The following CADPS variants were observed in gnomAD, a reference collection of about 807,000 sequenced individuals.
CADPS encodes the protein calcium dependent secretion activator.
In CADPS, 57 loss-of-function variants were observed where a neutral mutation model predicts 167.3. The observed-to-expected ratio is 0.34, with a 90% CI of 0.28 to 0.42. CADPS has a LOEUF of 0.42. Among genes scored for constraint, CADPS ranks in the 20% least tolerant of loss-of-function variants. The probability of loss-of-function intolerance (pLI) is 1.00; values close to 1 mark genes in which losing one functional copy is unlikely to be tolerated. For synonymous variants in CADPS, 676 were observed against 635.3 expected, an observed-to-expected ratio of 1.06 and a Z score of -0.96; for missense variants, 1,414 against 1,738.1, an observed-to-expected ratio of 0.81 and a Z score of 3.32.
At chr3:62,725,586 T>G (rs927725882) in intron 3 of CADPS, among the ~76,000 whole-genome samples, 5 of 152,012 alleles carry the variant, frequency 3.3e-5, no homozygotes, top group Non-Finnish European at 5.9e-5. Flanking sequence ...ACCCACCTCA[T>G]GGGGTCGTAT....
rs142586678 is a variant in CADPS, at chr3:62,532,938, C to T, written c.2224G>A (p.Ala742Thr). ...TGAAGAAGGGTGGGGTCGATCATGG[C>T]GCCATTTTCTGCCCGTTCAAGCAAG... ...RDLLERAENGAMIDPTLLHYS... is the reference protein window; with the variant it reads ...RDLLERAENGTMIDPTLLHYS... Residue 742 changes from alanine to threonine, a missense_variant, in exon 13 of 30, where the codon GCC becomes ACC. By Grantham distance (58) the Ala-to-Thr change is moderately conservative. Transcript: ENST00000383710. 198 of 1,613,772 alleles carry T rather than the reference C, an allele frequency of 1.2e-4. 1 individual carries two copies. In the East Asian group the frequency reaches 2.2e-3, roughly 18 times the overall value.
At chr3:62,467,734 G>A (rs769552917) in intron 24 of CADPS, among the ~76,000 whole-genome samples, 5 of 152,106 alleles carry the variant, frequency 3.3e-5, no homozygotes, top group Non-Finnish European at 5.9e-5. Flanking sequence ...CGGGAACAAA[G>A]CCAACCCTGT....
At chr3:62,556,370 T>C (rs531920104) in intron 10 of CADPS, among the ~76,000 whole-genome samples, 1 of 152,314 alleles carries the variant, frequency 6.6e-6, no homozygotes, top group Non-Finnish European at 1.5e-5. Context: ...CAGGTGCTAA[T>C]TTTACTAAGT....
Position 62,438,124 on chromosome 3 carries a change from A to G in CADPS, c.3757T>C (p.Tyr1253His). 6.2e-7 allele frequency: 1 copy of G among 1,612,966 alleles called. No homozygotes were observed. Among genetic ancestry groups the G allele is most frequent in the Non-Finnish European group, 8.5e-7 (1 of 1,179,094 alleles). ...VLRDKVNEEM[Y>H]IERLFDQWYN... ...CTTACATCAAATAACCTTTCTATGT[A>G]CATCTCCTCATTGACCTTATCACGC... The change falls in exon 28 of 30, where the codon TAC becomes CAC. Residue 1253 changes from tyrosine to histidine, a missense_variant. Tyr to His is a moderately conservative substitution (Grantham distance 83, BLOSUM62 2). Transcript: ENST00000383710. The surrounding 1 kb of genome is among the most constrained non-coding windows in gnomAD (Gnocchi z 4.7).
intron 28 of CADPS, among the ~76,000 whole-genome samples, chr3:62,423,807 G>T (rs1262939195): frequency 1.3e-5 from 2 of 152,122 alleles, no homozygotes; most frequent in East Asian, 1.9e-4. Context: ...GATCACGAAG[G>T]TTCCTATATC....
At chr3:62,701,259 G>A (rs934324033) in intron 3 of CADPS, among the ~76,000 whole-genome samples, 1 of 152,136 alleles carries the variant, frequency 6.6e-6, no homozygotes, top group Non-Finnish European at 1.5e-5. Flanking sequence ...AAAGAGGGAA[G>A]CAATTTTGGG....
At chr3:62,491,612 T>A in intron 20 of CADPS, 132 bp from the exon 21 acceptor site, 2 of 736,194 alleles carry the variant, frequency 2.7e-6, no homozygotes, top group Non-Finnish European at 4.1e-6. Flanking sequence ...CTACATTAAA[T>A]ATACTGCTTC....
chr3:62,522,288 C>T (rs1188578570), intron 13 of CADPS, among the ~76,000 whole-genome samples: 1 of 152,076 alleles, frequency 6.6e-6, no homozygotes, highest in Non-Finnish European at 1.5e-5. Context: ...AGAAGCATGC[C>T]ACCATATCTT....
chr3:62,483,165 A>C (rs1385277589), intron 21 of CADPS, among the ~76,000 whole-genome samples: 1 of 151,852 alleles, frequency 6.6e-6, no homozygotes, highest in Non-Finnish European at 1.5e-5. Flanking sequence ...GCACTTTGGC[A>C]AAGGACTTGA....
chr3:62,448,635 A>G (rs939779850), intron 26 of CADPS, among the ~76,000 whole-genome samples: 6 of 151,186 alleles, frequency 4.0e-5, no homozygotes, highest in Admixed American at 1.3e-4. Flanking sequence ...GGGGGGTGGT[A>G]TGGAGTCTCA....
chr3:62,608,496 T>C (rs920823699), intron 6 of CADPS, among the ~76,000 whole-genome samples: 1 of 151,962 alleles, frequency 6.6e-6, no homozygotes, highest in African/African-American at 2.4e-5. Context: ...TTGCCCAGGG[T>C]GCAAACTCCT....
At chr3:62,575,369 T>C (rs1024737565) in intron 8 of CADPS, among the ~76,000 whole-genome samples, 1 of 152,224 alleles carries the variant, frequency 6.6e-6, no homozygotes, top group Non-Finnish European at 1.5e-5. Flanking sequence ...TCTGGAGATA[T>C]GTTACCCAGA....
rs1049039906 is a variant in CADPS, at chr3:62,645,862, A to T, written c.1204-19T>A. 1 of 1,613,750 alleles carries T rather than the reference A, an allele frequency of 6.2e-7. No homozygotes were observed. Among genetic ancestry groups the T allele is most frequent in the East Asian group, 2.2e-5 (1 of 44,862 alleles). On this transcript the variant is annotated intron_variant, in intron 5 of 29. Coordinates refer to ENST00000383710, the MANE Select transcript of CADPS (RefSeq NM_003716.4). Reference sequence around the variant, plus strand: ...TTACCACCTGAAAAGAGAATTCCACATAATGGAGGTTATTGGCAAGGCCCC... The same window carrying T: ...TTACCACCTGAAAAGAGAATTCCACTTAATGGAGGTTATTGGCAAGGCCCC...
At chr3:62,851,333 AT>A (rs944127480) in intron 1 of CADPS, among the ~76,000 whole-genome samples, 1 of 110,638 alleles carries the variant, frequency 9.0e-6, no homozygotes, top group Non-Finnish European at 1.9e-5. Flanking sequence ...TTAGCTGGTG[AT>A]TTTGCTCGTT....
At position 62,492,411 on chromosome 3, in the gene CADPS, A is replaced by G; in HGVS notation, c.2763T>C (p.His921=). The G allele has an allele frequency of 1.9e-6, 3 of 1,614,122 alleles. No homozygotes were observed. Among genetic ancestry groups the G allele is most frequent in the Non-Finnish European group, 2.5e-6 (3 of 1,179,960 alleles). The part of the protein sequence containing the change: ...FAWWSDLMVE[H]AETFLSLFAV... The stretch of plus-strand genomic sequence containing the variant: ...CAAAGAGTGACAGGAACGTCTCCGC[A>G]TGCTCCACCATTAAATCTGACCACC... The change falls in exon 20 of 30, where the codon CAT becomes CAC. Residue 921 remains histidine, a synonymous_variant. Transcript: ENST00000383710.
intron 1 of CADPS, among the ~76,000 whole-genome samples, chr3:62,820,893 C>G (rs186103773): frequency 1.3e-5 from 2 of 151,572 alleles, no homozygotes; most frequent in Non-Finnish European, 2.9e-5. Context: ...CTCTGCCTCC[C>G]AGGTTCAAGC....
intron 6 of CADPS, among the ~76,000 whole-genome samples, chr3:62,608,915 C>T (rs965125120): frequency 2.6e-5 from 4 of 152,162 alleles, no homozygotes; most frequent in African/African-American, 7.2e-5. Context: ...TCTTCATGTC[C>T]TTTGCCCAGG....
chr3:62,542,784 G>A (rs2075902932), intron 11 of CADPS, among the ~76,000 whole-genome samples: 1 of 152,076 alleles, frequency 6.6e-6, no homozygotes, highest in South Asian at 2.1e-4. Flanking sequence ...TTATTTCAAT[G>A]TTAATTTCTA....
intron 3 of CADPS, among the ~76,000 whole-genome samples, chr3:62,668,664 T>G (rs1224994108): frequency 1.3e-5 from 2 of 152,178 alleles, no homozygotes; most frequent in Admixed American, 6.5e-5. Flanking sequence ...ACTTATGTGA[T>G]TTGGTGTTTG....
Sources: gnomAD v4.1 joint callset for allele counts (sites outside exome capture counted in the v4.1 genomes callset) on GRCh38, gnomAD v4.1.1 for gene constraint, Gnocchi (gnomAD v3.1) non-coding constraint, MANE v1.5 for transcripts, NCBI Gene and HGNC (gene_info 2026-07-23, HGNC 2026-07-21) for gene names.